Variants in NEXMIF observed in about 807,000 individuals in gnomAD.
NEXMIF encodes neurite extension and migration factor, also known as XLMR protein related to neurite extension.
Under a neutral mutation model 62.1 loss-of-function variants are expected in NEXMIF, and 8 were observed. That is an observed-to-expected ratio of 0.13 (90% CI 0.08 to 0.23). The LOEUF (loss-of-function observed/expected upper bound fraction) is 0.23, where lower values mean the gene tolerates loss of function less well. NEXMIF is among the 10% of genes least tolerant of loss of function. The pLI, the probability that NEXMIF is intolerant of heterozygous loss-of-function variation, is 1.00. For missense variants in NEXMIF, 976 were observed against 1,113.3 expected (o/e 0.88, Z 1.75); for synonymous variants, 404 against 416.6 (o/e 0.97, Z 0.37).
rs749479992 is a variant in NEXMIF, at chrX:74,742,427, C to T, written c.2130G>A (p.Lys710=). The T allele has an allele frequency of 3.4e-5, 41 of 1,209,502 alleles. No individual in the cohort carries two copies. Among genetic ancestry groups the T allele is most frequent in the Middle Eastern group, 2.3e-4 (1 of 4,373 alleles). The part of the protein sequence containing the change: ...VKVKAQDTEF[K]GPERKVLNKI... ...TATTGAGCACTTTCCTCTCTGGCCC[C>T]TTAAACTCTGTGTCTTGGGCTTTGA... Residue 710 remains lysine (K), a synonymous_variant, in exon 3 of 4, where the codon AAG becomes AAA. Transcript: ENST00000055682.
At chrX:74,782,399 C>A (rs2080249729) in intron 1 of NEXMIF, among the ~76,000 whole-genome samples, 1 of 111,216 alleles carries the variant, frequency 9.0e-6, no homozygotes, top group Non-Finnish European at 1.9e-5. Context: ...CAGAGTTGAC[C>A]AAATCAAGAG....
rs1475989601 is a variant in NEXMIF at position 74,776,692 on chromosome X, A to C, written c.-47-30995T>G. ...CAGTGAGCTGAGATCGCACCACTGC[A>C]CTCCAGCCTGGGCAACAAGAGCGAA... On this transcript the variant is annotated intron_variant, in intron 1 of 3. Coordinates refer to ENST00000055682, the MANE Select transcript of NEXMIF (RefSeq NM_001008537.3). 3.1e-5 allele frequency among the ~76,000 whole-genome samples: 3 copies of C among 95,849 alleles called. No homozygotes were observed. In the Admixed American group the frequency reaches 4.0e-4, roughly 13 times the overall value. 83.2% of individuals were successfully genotyped at this position (95,849 alleles called of 115,157 possible). A position where few individuals can be genotyped will look rare whatever the true frequency, so the allele number is the denominator to read the frequency against.
At chrX:74,869,715 C>T (rs1203339124) in intron 1 of NEXMIF, among the ~76,000 whole-genome samples, 1 of 111,465 alleles carries the variant, frequency 9.0e-6, no homozygotes, top group Non-Finnish European at 1.9e-5. Context: ...ATTCCATTTA[C>T]AATAGCTATA....
At chrX:74,802,106 T>G (rs143297802) in intron 1 of NEXMIF, among the ~76,000 whole-genome samples, 1 of 112,192 alleles carries the variant, frequency 8.9e-6, no homozygotes, top group Non-Finnish European at 1.9e-5. Flanking sequence ...GTACAGCACC[T>G]CTGGACCTGC....
At chrX:74,865,351 G>C (rs1027701097) in intron 1 of NEXMIF, among the ~76,000 whole-genome samples, 1 of 111,750 alleles carries the variant, frequency 8.9e-6, no homozygotes, top group African/African-American at 3.3e-5. Context: ...GGTGGCATTT[G>C]GCTCCTGCCC....
chrX:74,797,611 T>C (rs959013678), intron 1 of NEXMIF, among the ~76,000 whole-genome samples: 1 of 111,595 alleles, frequency 9.0e-6, no homozygotes, highest in African/African-American at 3.3e-5. Flanking sequence ...AGGTAACCAT[T>C]ATCTAACTGT....
At chrX:74,787,738 C>A (rs182004373) in intron 1 of NEXMIF, among the ~76,000 whole-genome samples, 1 of 111,757 alleles carries the variant, frequency 8.9e-6, no homozygotes, top group Non-Finnish European at 1.9e-5. Context: ...CCTCTTTGGG[C>A]GAGAGAGCTG....
Position 74,739,366 on chromosome X carries a change from T to C in NEXMIF, c.*39A>G, listed in dbSNP as rs1416611161. On this transcript the variant is annotated 3_prime_UTR_variant, in exon 4 of 4. Transcript: ENST00000055682. The stretch of plus-strand genomic sequence containing the variant: ...TTAAGCACTTACATGTCAACATACA[T>C]ACCACAAGGCATATTTTGAAAGAAA... The C allele has an allele frequency of 2.0e-6, 2 of 995,340 alleles. No individual in the cohort carries two copies. Among genetic ancestry groups the C allele is most frequent in the Non-Finnish European group, 2.8e-6 (2 of 718,882 alleles). The allele number at this position is 995,340 out of a possible 1,213,427, so 82.0% of individuals were successfully genotyped here.
rs2080087075 is a variant in NEXMIF at position 74,737,048 on chromosome X, T to C, written c.*2357A>G. The C allele has an allele frequency of 8.9e-6, 1 of 112,307 alleles. No homozygotes were observed. Among genetic ancestry groups the C allele is most frequent in the African/African-American group, 3.2e-5 (1 of 30,803 alleles). 9.3% of individuals were successfully genotyped at this position (112,307 alleles called of 1,213,427 possible). On this transcript the variant is annotated 3_prime_UTR_variant, in exon 4 of 4. Coordinates refer to ENST00000055682, the MANE Select transcript of NEXMIF (RefSeq NM_001008537.3). ...GATACCGAAAAAAAACTGGGACAAC[T>C]GCTCCCATATTTACTTTTATAAAAA...
At chrX:74,856,866 A>C (rs2080536900) in intron 1 of NEXMIF, among the ~76,000 whole-genome samples, 1 of 110,485 alleles carries the variant, frequency 9.1e-6, no homozygotes, top group Non-Finnish European at 1.9e-5. Flanking sequence ...GAGAAGGAGA[A>C]TGAAGCAATT....
chrX:74,791,278 T>C (rs1168102203), intron 1 of NEXMIF, among the ~76,000 whole-genome samples: 1 of 111,964 alleles, frequency 8.9e-6, no homozygotes, highest in Non-Finnish European at 1.9e-5. Flanking sequence ...CTGGATTACA[T>C]TTATTGATTT....
chrX:74,740,232 G>T lies in NEXMIF; in HGVS notation c.4325C>A (p.Pro1442Gln), dbSNP rs370429318. The T allele has an allele frequency of 5.0e-6, 6 of 1,211,028 alleles. No individual in the cohort carries two copies. The highest frequency in any genetic ancestry group is 6.7e-6 in the Non-Finnish European group (6 of 895,308). Reference sequence around the variant, plus strand: ...GTGACGATACAACTTTTTGTGTGTCGGTCCGTTATTGCCTAAAGTGCTCAT... The same window carrying T: ...GTGACGATACAACTTTTTGTGTGTCTGTCCGTTATTGCCTAAAGTGCTCAT... Reference protein sequence around the residue: ...SNMSTLGNNGPTHKKLYRHKS... With the variant: ...SNMSTLGNNGQTHKKLYRHKS... Residue 1442 changes from proline to glutamine, a missense_variant, in exon 3 of 4, where the codon CCG becomes CAG. Coordinates refer to ENST00000055682, the MANE Select transcript of NEXMIF (RefSeq NM_001008537.3).
intron 1 of NEXMIF, among the ~76,000 whole-genome samples, chrX:74,908,891 A>G (rs150012820): frequency 3.6e-5 from 4 of 111,692 alleles, no homozygotes; most frequent in Non-Finnish European, 5.7e-5. Flanking sequence ...ATGAGATCCA[A>G]TGGTTTTATC....
At chrX:74,840,506 A>ATTT (rs1464714348) in intron 1 of NEXMIF, among the ~76,000 whole-genome samples, 1 of 111,543 alleles carries the variant, frequency 9.0e-6, no homozygotes, top group East Asian at 2.8e-4. Context: ...CCACTTGTCA[A>ATTT]TTTTTGCATT....
chrX:74,751,999 G>A (rs973287020), intron 1 of NEXMIF, among the ~76,000 whole-genome samples: 3 of 110,591 alleles, frequency 2.7e-5, no homozygotes, highest in Non-Finnish European at 1.9e-5. Context: ...TAGAGGCGGG[G>A]TTTCGCCATG....
At chrX:74,887,142 A>T (rs1040628655) in intron 1 of NEXMIF, among the ~76,000 whole-genome samples, 1 of 112,462 alleles carries the variant, frequency 8.9e-6, no homozygotes, top group East Asian at 2.8e-4. Flanking sequence ...CTTATACAAA[A>T]ATTAATTCAA....
intron 1 of NEXMIF, among the ~76,000 whole-genome samples, chrX:74,849,758 A>T (rs774435090): frequency 1.8e-5 from 2 of 112,192 alleles, no homozygotes. Flanking sequence ...AGATTTCTCC[A>T]TCTGCAGTCA....
intron 1 of NEXMIF, among the ~76,000 whole-genome samples, chrX:74,818,512 T>C (rs1262125167): frequency 5.4e-5 from 6 of 111,588 alleles, no homozygotes; most frequent in Admixed American, 1.9e-4. Flanking sequence ...CCTAAAACTA[T>C]AAAAACCCAG....
At chrX:74,828,371 A>G in intron 1 of NEXMIF, among the ~76,000 whole-genome samples, 1 of 112,197 alleles carries the variant, frequency 8.9e-6, no homozygotes, top group Non-Finnish European at 1.9e-5. Flanking sequence ...CAACACTTCA[A>G]AGACTCCAAC....
Sources: allele counts gnomAD v4.1 joint callset (sites outside exome capture counted in the v4.1 genomes callset), GRCh38; gene constraint gnomAD v4.1.1; transcripts MANE v1.5; gene names NCBI Gene and HGNC (gene_info 2026-07-23, HGNC 2026-07-21).